Variants in SYNRG observed in about 807,000 individuals in gnomAD.
SYNRG encodes AP1 gamma subunit binding protein 1.
In SYNRG, 37 loss-of-function variants were observed where a neutral mutation model predicts 130.9. The observed-to-expected ratio is 0.28, with a 90% CI of 0.22 to 0.37. SYNRG has a LOEUF of 0.37. Among genes scored for constraint, SYNRG ranks in the 10% least tolerant of loss-of-function variants. The probability of loss-of-function intolerance (pLI) is 1.00; values close to 1 mark genes in which losing one functional copy is unlikely to be tolerated. For missense variants in SYNRG, 1,338 were observed against 1,588.9 expected (o/e 0.84, Z 2.68); for synonymous variants, 539 against 568.1 (o/e 0.95, Z 0.73).
intron 8 of SYNRG, among the ~76,000 whole-genome samples, chr17:37,575,840 C>CA (rs1187221456): frequency 0.076 from 4,758 of 63,008 alleles, 135 homozygotes; most frequent in Middle Eastern, 0.09. Flanking sequence ...GACCTTGTCT[C>CA]AAAAAAAAAA....
rs1174275999 is a variant in SYNRG at position 37,540,583 on chromosome 17, T to C, written c.3203-40A>G. On this transcript the variant is annotated intron_variant, in intron 15 of 21. Coordinates refer to ENST00000612223, the MANE Select transcript of SYNRG (RefSeq NM_007247.6). ...TAATACAGTCAAAGGTTTTGGCTAC[T>C]CACCTTAGTTCAGGCAGAGGCTCTT... The C allele has an allele frequency of 2.5e-6, 4 of 1,582,132 alleles. No homozygotes were observed. The South Asian group carries it at 3.4e-5, about 13-fold the overall frequency.
intron 2 of SYNRG, 145 bp from the exon 3 acceptor site, chr17:37,596,489 T>C: frequency 5.2e-6 from 4 of 765,918 alleles, no homozygotes; most frequent in Non-Finnish European, 8.1e-6. Context: ...GATGTGAATA[T>C]GAATTCCAAC....
At chr17:37,549,323 T>G (rs1035838570) in intron 14 of SYNRG, among the ~76,000 whole-genome samples, 6 of 152,134 alleles carry the variant, frequency 3.9e-5, no homozygotes, top group African/African-American at 1.4e-4. Context: ...TTCTCAAGGT[T>G]TTTTTACTGT....
intron 8 of SYNRG, among the ~76,000 whole-genome samples, chr17:37,575,486 G>T (rs2060749749): frequency 6.6e-6 from 1 of 151,746 alleles, no homozygotes; most frequent in Non-Finnish European, 1.5e-5. Context: ...AGAAGAAAAT[G>T]CACTTTAAGG....
At chr17:37,580,510 T>TGAGAGAGA (rs71135748) in intron 6 of SYNRG, among the ~76,000 whole-genome samples, 18 of 127,660 alleles carry the variant, frequency 1.4e-4, no homozygotes, top group African/African-American at 5.5e-4. Context: ...TGTGTGTGTG[T>TGAGAGAGA]GAGAGAGAGA....
chr17:37,520,427 G>T (rs2054857261), intron 20 of SYNRG, 111 bp downstream of exon 20: 1 of 1,198,288 alleles, frequency 8.3e-7, no homozygotes. Flanking sequence ...TAGGACTTGA[G>T]AAAATCCCCA....
chr17:37,553,100 T>C lies in SYNRG; in HGVS notation c.2608+15A>G. On this transcript the variant is annotated intron_variant, in intron 14 of 21. Transcript: ENST00000612223. ...CTACAACACCATCACCAGAGCAATCTCACCAATTCCTCACCTGCAGCAGGA... is the reference window on the plus strand; with the variant it reads ...CTACAACACCATCACCAGAGCAATCCCACCAATTCCTCACCTGCAGCAGGA... 6.2e-7 allele frequency: 1 copy of C among 1,602,350 alleles called. No homozygotes were observed. The highest frequency in any genetic ancestry group is 8.5e-7 in the Non-Finnish European group (1 of 1,175,444).
At chr17:37,540,705 G>A in intron 15 of SYNRG, 162 bp from the exon 16 acceptor site, 2 of 858,450 alleles carry the variant, frequency 2.3e-6, no homozygotes, top group Non-Finnish European at 3.3e-6. Context: ...TGTGATCTCG[G>A]CTCAGTGCAA....
chr17:37,603,098 T>C lies in SYNRG; in HGVS notation c.78-2695A>G, dbSNP rs28562625. On this transcript the variant is annotated intron_variant, in intron 1 of 21. Transcript: ENST00000612223. The stretch of plus-strand genomic sequence containing the variant: ...CTTTGAAAAGGAAGTGGGACTTCTT[T>C]CTCTGAGCCTGGAAAGAAAAAGGGA... Among the ~76,000 whole-genome samples the C allele has an allele frequency of 9.0e-3, 1,368 of 152,302 alleles. 22 individuals are homozygous for C. Among genetic ancestry groups the C allele is most frequent in the African/African-American group, 0.031 (1,297 of 41,576 alleles).
chr17:37,516,391 T>C lies in SYNRG; in HGVS notation c.*2549A>G, dbSNP rs576986873. The C allele has an allele frequency of 6.6e-6, 1 of 152,342 alleles. No individual in the cohort carries two copies. The highest frequency in any genetic ancestry group is 2.1e-4 in the South Asian group (1 of 4,832). The allele number at this position is 152,342 out of a possible 1,614,324, so 9.4% of individuals were successfully genotyped here. ...GAGATATGAAAGGTAGTGAATACTT[T>C]TCATAGCAAAGGCTTTTTTTCTGTT... On this transcript the variant is annotated 3_prime_UTR_variant, in exon 22 of 22. Coordinates refer to ENST00000612223, the MANE Select transcript of SYNRG (RefSeq NM_007247.6).
rs955961054 is a variant in SYNRG at position 37,584,259 on chromosome 17, T to A, written c.589+389A>T. 13 of 159,142 alleles carry A rather than the reference T, an allele frequency of 8.2e-5. No individual in the cohort carries two copies. The East Asian group carries it at 2.4e-3, about 29-fold the overall frequency. The allele number at this position is 159,142 out of a possible 1,614,324, so 9.9% of individuals were successfully genotyped here. A position where few individuals can be genotyped will look rare whatever the true frequency, so the allele number is the denominator to read the frequency against. On this transcript the variant is annotated intron_variant, in intron 6 of 21. Transcript: ENST00000612223. ...ATGAGGCATTTTAAGAATTTGTAAG[T>A]TTAATCACATTAAGTAATGAAATCA...
At chr17:37,533,926 CTTTTTTTTTTT>C (rs765621244) in intron 19 of SYNRG, among the ~76,000 whole-genome samples, 1 of 57,790 alleles carries the variant, frequency 1.7e-5, no homozygotes, top group African/African-American at 7.3e-5. Context: ...ATTTTCTTTT[CTTTTTTTTTTT>C]TTTTTTTTTT....
At chr17:37,534,022 T>C (rs960021473) in intron 19 of SYNRG, among the ~76,000 whole-genome samples, 3 of 134,330 alleles carry the variant, frequency 2.2e-5, no homozygotes, top group African/African-American at 8.1e-5. Flanking sequence ...ACAACCTCCA[T>C]TTCCCGGGTT....
chr17:37,596,445 G>T (rs1232754470), intron 2 of SYNRG, 101 bp from the exon 3 acceptor site: 2 of 1,363,614 alleles, frequency 1.5e-6, no homozygotes, highest in African/African-American at 1.5e-5. Context: ...GAAGCAGAGT[G>T]TAATGGAAAA....
intron 13 of SYNRG, among the ~76,000 whole-genome samples, chr17:37,555,817 A>C (rs938998930): frequency 2.0e-5 from 3 of 152,148 alleles, no homozygotes; most frequent in Non-Finnish European, 4.4e-5. Flanking sequence ...GAGGCACAAG[A>C]ATTGTTTGAA....
intron 6 of SYNRG, among the ~76,000 whole-genome samples, chr17:37,583,745 C>T (rs1188027454): frequency 6.6e-6 from 1 of 152,066 alleles, no homozygotes; most frequent in African/African-American, 2.4e-5. Context: ...TAAGCTGGAG[C>T]GGGCAGTGGC....
intron 6 of SYNRG, chr17:37,579,247 A>G (rs1428793012): frequency 7.7e-7 from 1 of 1,293,906 alleles, no homozygotes; most frequent in East Asian, 5.6e-5. Context: ...GCTGTGTCCC[A>G]GCCTTCTGTG....
At position 37,529,886 on chromosome 17, in the gene SYNRG, T is replaced by C. The variant is rs953369180; in HGVS notation, c.3666+6093A>G. On this transcript the variant is annotated intron_variant, in intron 19 of 21. Coordinates refer to ENST00000612223, the MANE Select transcript of SYNRG (RefSeq NM_007247.6). Reference sequence around the variant, plus strand: ...AAGAGATGGGTGGCTGATTTGGGGGTTGTATAGAAATCTAGTTTTCAAGTG... The same window carrying C: ...AAGAGATGGGTGGCTGATTTGGGGGCTGTATAGAAATCTAGTTTTCAAGTG... 1.6e-5 allele frequency: 24 copies of C among 1,545,446 alleles called. No homozygotes were observed. In the African/African-American group the frequency reaches 3.2e-4, roughly 20 times the overall value.
Position 37,518,653 on chromosome 17 carries a change from A to G in SYNRG, c.*287T>C, listed in dbSNP as rs1289578733. 5.4e-6 allele frequency: 2 copies of G among 368,354 alleles called. No individual in the cohort carries two copies. The highest frequency in any genetic ancestry group is 9.8e-6 in the Non-Finnish European group (2 of 204,134). 22.8% of individuals were successfully genotyped at this position (368,354 alleles called of 1,614,324 possible). ...CAGTTCTTCACAGTTTCAATACTGC[A>G]GCAGCAAGTTCTTCCTTAGATCAAG... is the stretch of plus-strand genomic sequence containing the variant. On this transcript the variant is annotated 3_prime_UTR_variant, in exon 22 of 22. Transcript: ENST00000612223.
Sources: gnomAD v4.1 joint callset for allele counts (sites outside exome capture counted in the v4.1 genomes callset) on GRCh38, gnomAD v4.1.1 for gene constraint, MANE v1.5 for transcripts, NCBI Gene and HGNC (gene_info 2026-07-23, HGNC 2026-07-21) for gene names.